Variants in LINGO2 observed in about 807,000 individuals in gnomAD.
The protein encoded by LINGO2 is leucine rich repeat and Ig domain containing 2.
In LINGO2, 14 loss-of-function variants were observed where a neutral mutation model predicts 30.6. That is an observed-to-expected ratio of 0.46 (90% CI 0.30 to 0.72). LINGO2 has a LOEUF of 0.72. Ranked by LOEUF, LINGO2 falls within the 30% of genes least tolerant of loss-of-function variation. The pLI, the probability that LINGO2 is intolerant of heterozygous loss-of-function variation, is 0.07. For synonymous variants in LINGO2, 317 were observed against 288.5 expected (o/e 1.10, Z -1.00); for missense variants, 729 against 751.7 (o/e 0.97, Z 0.35).
chr9:28,213,237 A>G (rs1171133962), intron 4 of LINGO2, among the ~76,000 whole-genome samples: 3 of 151,508 alleles, frequency 2.0e-5, no homozygotes, highest in Non-Finnish European at 3.0e-5. Context: ...AGAGAGTTCA[A>G]TTTGTTGGAG....
the LINGO2 span, among the ~76,000 whole-genome samples, chr9:28,899,783 T>C: frequency 6.6e-6 from 1 of 152,150 alleles, no homozygotes; most frequent in Non-Finnish European, 1.5e-5. Context: ...CCATATCCAC[T>C]GACATGGACT....
chr9:28,039,007 T>C (rs1824077191), intron 4 of LINGO2, among the ~76,000 whole-genome samples: 1 of 152,170 alleles, frequency 6.6e-6, no homozygotes, highest in African/African-American at 2.4e-5. Flanking sequence ...GCACGAAATC[T>C]TAAAGGAGTT....
At chr9:28,556,662 G>C (rs1822717428) in intron 1 of LINGO2, among the ~76,000 whole-genome samples, 1 of 151,714 alleles carries the variant, frequency 6.6e-6, no homozygotes, top group African/African-American at 2.4e-5. Context: ...AGTTCATATG[G>C]AACCAAAAAA....
At chr9:28,317,950 TTGAA>T (rs1278542151) in intron 3 of LINGO2, among the ~76,000 whole-genome samples, 1 of 152,140 alleles carries the variant, frequency 6.6e-6, no homozygotes, top group African/African-American at 2.4e-5. Flanking sequence ...AAGAGGGAGT[TTGAA>T]TGGCCATTCT....
At chr9:29,123,301 A>C in the LINGO2 span, among the ~76,000 whole-genome samples, 1 of 152,104 alleles carries the variant, frequency 6.6e-6, no homozygotes, top group Admixed American at 6.6e-5. Flanking sequence ...TTCTTGCTAT[A>C]CACTTAAACA....
At chr9:28,645,761 C>T (rs1419565462) in intron 1 of LINGO2, among the ~76,000 whole-genome samples, 1 of 152,054 alleles carries the variant, frequency 6.6e-6, no homozygotes, top group Non-Finnish European at 1.5e-5. Flanking sequence ...TATCTAATAT[C>T]AGACTATAAT....
intron 3 of LINGO2, among the ~76,000 whole-genome samples, chr9:28,361,377 G>GGCA (rs1317975905): frequency 6.6e-6 from 1 of 152,158 alleles, no homozygotes; most frequent in Admixed American, 6.5e-5. Flanking sequence ...TCTGTGGCCA[G>GGCA]GCATCCACTG....
the LINGO2 span, among the ~76,000 whole-genome samples, chr9:28,752,034 T>C: frequency 6.6e-6 from 1 of 152,062 alleles, no homozygotes; most frequent in Admixed American, 6.6e-5. Flanking sequence ...CAAGAAAGAA[T>C]AGTCCAATTA....
At chr9:28,310,354 C>A (rs1229589728) in intron 3 of LINGO2, among the ~76,000 whole-genome samples, 1 of 151,918 alleles carries the variant, frequency 6.6e-6, no homozygotes, top group Non-Finnish European at 1.5e-5. Flanking sequence ...TTATACTGCA[C>A]AATAAAAAGG....
At chr9:28,286,838 T>A (rs1823527153) in intron 4 of LINGO2, among the ~76,000 whole-genome samples, 1 of 151,896 alleles carries the variant, frequency 6.6e-6, no homozygotes, top group South Asian at 2.1e-4. Flanking sequence ...AGGGAGAGGA[T>A]CAGGAAAAAC....
intron 4 of LINGO2, among the ~76,000 whole-genome samples, chr9:28,231,985 A>G (rs1821372371): frequency 6.6e-6 from 1 of 152,144 alleles, no homozygotes; most frequent in Non-Finnish European, 1.5e-5. Flanking sequence ...AAGTAATAAA[A>G]TCAGTATAAT....
At chr9:28,197,768 T>C (rs1820066934) in intron 4 of LINGO2, among the ~76,000 whole-genome samples, 1 of 151,792 alleles carries the variant, frequency 6.6e-6, no homozygotes, top group Non-Finnish European at 1.5e-5. Flanking sequence ...AAAAGATAAA[T>C]GGCAAACTGG....
chr9:28,466,153 T>C (rs1166352339), intron 2 of LINGO2, among the ~76,000 whole-genome samples: 1 of 152,144 alleles, frequency 6.6e-6, no homozygotes, highest in African/African-American at 2.4e-5. Context: ...ATTGAAGAGA[T>C]ACCTGCACTC....
At chr9:28,565,702 C>T (rs916473605) in intron 1 of LINGO2, among the ~76,000 whole-genome samples, 2 of 151,510 alleles carry the variant, frequency 1.3e-5, no homozygotes, top group Admixed American at 6.6e-5. Context: ...CAGGCGCCCA[C>T]CACCACGCCC....
At chr9:28,180,532 C>T (rs891616456) in intron 4 of LINGO2, among the ~76,000 whole-genome samples, 1 of 152,152 alleles carries the variant, frequency 6.6e-6, no homozygotes, top group Non-Finnish European at 1.5e-5. Flanking sequence ...ATTCTGTTGT[C>T]TTTGTCTTGC....
intron 4 of LINGO2, among the ~76,000 whole-genome samples, chr9:28,173,240 C>T (rs942636040): frequency 2.0e-5 from 3 of 152,174 alleles, no homozygotes; most frequent in Non-Finnish European, 1.5e-5. Context: ...TAATACCCTG[C>T]TTAAATTTTT....
the LINGO2 span, among the ~76,000 whole-genome samples, chr9:28,894,507 T>G: frequency 6.6e-6 from 1 of 152,028 alleles, no homozygotes; most frequent in African/African-American, 2.4e-5. Flanking sequence ...GTAGTAAATT[T>G]ACCACCCTGA....
At chr9:28,876,989 G>C in the LINGO2 span, among the ~76,000 whole-genome samples, 4 of 151,964 alleles carry the variant, frequency 2.6e-5, no homozygotes, top group East Asian at 1.9e-4. Context: ...ATTTGCATTT[G>C]TCTGATGGCC....
chr9:28,382,673 T>TA (rs1258918171), intron 2 of LINGO2, among the ~76,000 whole-genome samples: 1 of 152,100 alleles, frequency 6.6e-6, no homozygotes, highest in Admixed American at 6.6e-5. Flanking sequence ...TACATTTCAA[T>TA]AAAAAACACT....
Sources: gnomAD v4.1 joint callset for allele counts (sites outside exome capture counted in the v4.1 genomes callset) on GRCh38, gnomAD v4.1.1 for gene constraint, MANE v1.5 for transcripts, NCBI Gene and HGNC (gene_info 2026-07-23, HGNC 2026-07-21) for gene names.